Variants in AKAP19 observed in about 807,000 individuals in gnomAD.
The protein encoded by AKAP19 is A-kinase anchoring protein 19, also known as small A-kinase anchoring protein.
chr2:190,036,155 A>G, the AKAP19 span, among the ~76,000 whole-genome samples: 1 of 152,218 alleles, frequency 6.6e-6, no homozygotes, highest in Non-Finnish European at 1.5e-5. Flanking sequence ...GGTGATTTTT[A>G]TTACTCAAGG....
At chr2:189,945,509 A>G in the AKAP19 span, among the ~76,000 whole-genome samples, 333 of 152,344 alleles carry the variant, frequency 2.2e-3, 2 homozygotes, top group Non-Finnish European at 4.1e-3. Context: ...GTCATTCCTG[A>G]ATTCCTATTC....
chr2:189,960,668 G>T, the AKAP19 span, among the ~76,000 whole-genome samples: 1 of 152,092 alleles, frequency 6.6e-6, no homozygotes, highest in Non-Finnish European at 1.5e-5. Context: ...TTAATTTGTG[G>T]CAGAGACACA....
the AKAP19 span, among the ~76,000 whole-genome samples, chr2:190,113,518 A>G: frequency 3.3e-5 from 5 of 152,158 alleles, no homozygotes; most frequent in Admixed American, 6.5e-5. Flanking sequence ...ATGGATCTCT[A>G]GATTTCTACT....
the AKAP19 span, among the ~76,000 whole-genome samples, chr2:190,089,144 T>C: frequency 6.6e-6 from 1 of 152,194 alleles, no homozygotes; most frequent in Admixed American, 6.5e-5. Context: ...ATCTGAGACA[T>C]AGACTCTCTT....
the AKAP19 span, among the ~76,000 whole-genome samples, chr2:189,892,721 C>T: frequency 6.6e-6 from 1 of 152,208 alleles, no homozygotes; most frequent in Non-Finnish European, 1.5e-5. Flanking sequence ...CAGAGACCCA[C>T]TTGAGGAGGC....
chr2:190,160,774 G>A, the AKAP19 span, among the ~76,000 whole-genome samples: 1 of 152,040 alleles, frequency 6.6e-6, no homozygotes, highest in Non-Finnish European at 1.5e-5. Flanking sequence ...AAGGATTTCA[G>A]TATGAGGGAT....
the AKAP19 span, among the ~76,000 whole-genome samples, chr2:190,162,773 T>C: frequency 1.3e-5 from 2 of 152,050 alleles, no homozygotes; most frequent in Admixed American, 1.3e-4. Flanking sequence ...AGTTTTCTTA[T>C]TTAAGACTTT....
chr2:190,101,350 C>T, the AKAP19 span, among the ~76,000 whole-genome samples: 1 of 152,336 alleles, frequency 6.6e-6, no homozygotes, highest in African/African-American at 2.4e-5. Flanking sequence ...CAGCCAGGAC[C>T]AGCTCGGTAA....
chr2:190,018,924 G>T, the AKAP19 span, among the ~76,000 whole-genome samples: 1 of 152,210 alleles, frequency 6.6e-6, no homozygotes, highest in Non-Finnish European at 1.5e-5. Flanking sequence ...AGGTGGGGCT[G>T]CCGGCTGGAT....
the AKAP19 span, among the ~76,000 whole-genome samples, chr2:189,922,068 A>C: frequency 6.6e-6 from 1 of 152,188 alleles, no homozygotes; most frequent in Non-Finnish European, 1.5e-5. Context: ...AGAAATGTGA[A>C]GGATTAGTGT....
the AKAP19 span, among the ~76,000 whole-genome samples, chr2:190,198,631 C>CAA: frequency 0.027 from 1,931 of 70,330 alleles, 54 homozygotes; most frequent in African/African-American, 0.063. Flanking sequence ...GACCCTGTCT[C>CAA]AAAAAAAAAA....
the AKAP19 span, among the ~76,000 whole-genome samples, chr2:189,969,272 A>T: frequency 6.6e-6 from 1 of 152,112 alleles, no homozygotes; most frequent in East Asian, 1.9e-4. Flanking sequence ...TGAGCCTTTC[A>T]TCATGAGTTT....
At chr2:189,963,131 A>G in the AKAP19 span, among the ~76,000 whole-genome samples, 1 of 151,986 alleles carries the variant, frequency 6.6e-6, no homozygotes, top group Non-Finnish European at 1.5e-5. Context: ...CATAAGAAGC[A>G]AGTCTCACCT....
the AKAP19 span, among the ~76,000 whole-genome samples, chr2:190,186,284 C>A: frequency 6.6e-6 from 1 of 152,130 alleles, no homozygotes; most frequent in East Asian, 1.9e-4. This position sits in a 1 kb window ranked among gnomAD's most constrained non-coding sequence, Gnocchi z 5.5. Flanking sequence ...TGAGGTAGAG[C>A]CCAGTTCACA....
At chr2:189,923,039 T>C in the AKAP19 span, among the ~76,000 whole-genome samples, 1 of 152,154 alleles carries the variant, frequency 6.6e-6, no homozygotes, top group South Asian at 2.1e-4. Context: ...TAGTCCCAGC[T>C]ACTCAGGAGG....
the AKAP19 span, among the ~76,000 whole-genome samples, chr2:190,158,485 A>G: frequency 6.6e-6 from 1 of 152,248 alleles, no homozygotes; most frequent in East Asian, 1.9e-4. Flanking sequence ...GGAAATGGTA[A>G]GAATTTATAT....
the AKAP19 span, among the ~76,000 whole-genome samples, chr2:190,184,475 A>T: frequency 6.6e-6 from 1 of 152,236 alleles, no homozygotes; most frequent in African/African-American, 2.4e-5. Context: ...AGCATTCATT[A>T]ATCGCCTTGA....
the AKAP19 span, among the ~76,000 whole-genome samples, chr2:190,101,193 G>T: frequency 1.3e-5 from 2 of 152,234 alleles, no homozygotes; most frequent in South Asian, 2.1e-4. Context: ...TGAAGTGCTT[G>T]CTCTGGAGTG....
the AKAP19 span, among the ~76,000 whole-genome samples, chr2:190,195,401 G>A: frequency 2.0e-5 from 3 of 152,198 alleles, no homozygotes; most frequent in Non-Finnish European, 4.4e-5. Flanking sequence ...CTGCCAGACT[G>A]TCCTCCCAAG....
Sources: gnomAD v4.1 joint callset for allele counts (sites outside exome capture counted in the v4.1 genomes callset) on GRCh38, gnomAD v4.1.1 for gene constraint, Gnocchi (gnomAD v3.1) non-coding constraint, MANE v1.5 for transcripts, NCBI Gene and HGNC (gene_info 2026-07-23, HGNC 2026-07-21) for gene names.